The following CSMD3 variants were observed in gnomAD, a reference collection of about 807,000 sequenced individuals.
The protein encoded by CSMD3 is CUB and Sushi multiple domains 3.
CSMD3 carries 177 observed loss-of-function variants against 435.2 expected under a neutral mutation model. That is an observed-to-expected ratio of 0.41 (90% CI 0.36 to 0.46). The LOEUF is 0.46. CSMD3 is among the 20% of genes least tolerant of loss of function. The pLI, the probability that CSMD3 is intolerant of heterozygous loss-of-function variation, is 0.34. For synonymous variants in CSMD3, 1,656 were observed against 1,520.5 expected (o/e 1.09, Z -2.07); for missense variants, 4,265 against 4,504.6 (o/e 0.95, Z 1.52).
intron 5 of CSMD3, among the ~76,000 whole-genome samples, chr8:113,025,150 C>T (rs2086828709): frequency 6.6e-6 from 1 of 151,898 alleles, no homozygotes; most frequent in African/African-American, 2.4e-5. Flanking sequence ...CTTTTGTGTT[C>T]CTTTGGAAGG....
chr8:113,336,690 T>C (rs1381257937), intron 1 of CSMD3, among the ~76,000 whole-genome samples: 1 of 152,050 alleles, frequency 6.6e-6, no homozygotes, highest in African/African-American at 2.4e-5. Flanking sequence ...ATTGTTGTAA[T>C]TGGGTGCTGG....
At chr8:112,283,743 G>A (rs1303566334) in intron 58 of CSMD3, among the ~76,000 whole-genome samples, 1 of 151,424 alleles carries the variant, frequency 6.6e-6, no homozygotes, top group Non-Finnish European at 1.5e-5. Flanking sequence ...ATGATTTTTA[G>A]ATATAACATA....
chr8:112,685,780 T>G, intron 14 of CSMD3, 48 bp from the exon 15 acceptor site: 8 of 1,118,432 alleles, frequency 7.2e-6, no homozygotes, highest in African/African-American at 1.6e-5. Context: ...TCAAAAATAA[T>G]ATTTCATCTT....
At chr8:112,361,817 T>G (rs1317017074) in intron 38 of CSMD3, among the ~76,000 whole-genome samples, 1 of 151,472 alleles carries the variant, frequency 6.6e-6, no homozygotes, top group Non-Finnish European at 1.5e-5. Flanking sequence ...GGTTTTGCAT[T>G]TATGTGAGAA....
chr8:112,901,237 C>T (rs1022993058), intron 10 of CSMD3, among the ~76,000 whole-genome samples: 6 of 151,204 alleles, frequency 4.0e-5, no homozygotes, highest in Admixed American at 2.0e-4. Flanking sequence ...AATTGCAGGA[C>T]CATCTTATGA....
At chr8:112,267,508 A>G (rs1157880341) in intron 59 of CSMD3, among the ~76,000 whole-genome samples, 2 of 152,230 alleles carry the variant, frequency 1.3e-5, no homozygotes, top group East Asian at 3.9e-4. Flanking sequence ...AAAAATGAGT[A>G]TAAGCCTTCA....
intron 1 of CSMD3, among the ~76,000 whole-genome samples, chr8:113,363,973 T>C (rs987191962): frequency 2.6e-5 from 4 of 152,168 alleles, no homozygotes; most frequent in Admixed American, 6.5e-5. Flanking sequence ...TTTTCTCCTA[T>C]GTGTTCTAGA....
intron 53 of CSMD3, among the ~76,000 whole-genome samples, chr8:112,298,377 C>A (rs1357866655): frequency 6.6e-6 from 1 of 151,954 alleles, no homozygotes; most frequent in Admixed American, 6.6e-5. Flanking sequence ...AAAAAAGCTC[C>A]TCAATGCTAC....
At chr8:112,833,360 T>C (rs2079931215) in intron 11 of CSMD3, among the ~76,000 whole-genome samples, 1 of 151,988 alleles carries the variant, frequency 6.6e-6, no homozygotes, top group East Asian at 1.9e-4. Context: ...TTCTTGAAAA[T>C]GCTTTTTGTT....
intron 47 of CSMD3, 79 bp from the exon 48 acceptor site, chr8:112,314,696 C>T: frequency 1.0e-6 from 1 of 955,130 alleles, no homozygotes; most frequent in Non-Finnish European, 1.7e-6. Context: ...ACTGAGTATT[C>T]TGCTTTCATG....
intron 9 of CSMD3, 51 bp downstream of exon 9, chr8:112,947,738 TA>T (rs1485468042): frequency 1.1e-4 from 89 of 813,850 alleles, no homozygotes; most frequent in Admixed American, 1.9e-4. Flanking sequence ...AGATTTAAAT[TA>T]AAATAAACCT....
intron 1 of CSMD3, among the ~76,000 whole-genome samples, chr8:113,355,494 T>C (rs1181954400): frequency 6.6e-6 from 1 of 151,578 alleles, no homozygotes; most frequent in Non-Finnish European, 1.5e-5. Flanking sequence ...GAGAGAGAGA[T>C]CACCTCTTCT....
Position 112,224,925 on chromosome 8 carries a change from G to A in CSMD3, c.10970C>T (p.Ala3657Val), listed in dbSNP as rs1362285131. 6.2e-7 allele frequency: 1 copy of A among 1,613,724 alleles called. No homozygotes were observed. Among genetic ancestry groups the A allele is most frequent in the Non-Finnish European group, 8.5e-7 (1 of 1,179,812 alleles). The change falls in exon 71 of 71, where the codon GCA becomes GTA. Residue 3657 changes from alanine (A) to valine (V), a missense_variant. Around this residue, in one of 3 missense-constraint regions of CSMD3, gnomAD observed 3,255 missense variants for 3,380.2 expected, o/e 0.96. Coordinates refer to ENST00000297405, the MANE Select transcript of CSMD3 (RefSeq NM_198123.2). ...FGFYLYKQRTAPKTQYTGCSV... is the reference protein window; with the variant it reads ...FGFYLYKQRTVPKTQYTGCSV... ...ACATCCTGTATACTGTGTTTTAGGTGCAGTCCTGTTGATGAGAACATTGAT... is the reference window on the plus strand; with the variant it reads ...ACATCCTGTATACTGTGTTTTAGGTACAGTCCTGTTGATGAGAACATTGAT...
At chr8:112,709,169 C>T (rs1203029302) in intron 13 of CSMD3, among the ~76,000 whole-genome samples, 1 of 151,974 alleles carries the variant, frequency 6.6e-6, no homozygotes, top group Non-Finnish European at 1.5e-5. Context: ...CTGCAAAATA[C>T]GTTTCATAGT....
At chr8:112,865,400 C>T (rs2080949414) in intron 10 of CSMD3, among the ~76,000 whole-genome samples, 1 of 152,070 alleles carries the variant, frequency 6.6e-6, no homozygotes, top group Non-Finnish European at 1.5e-5. Flanking sequence ...TCACTCTCTC[C>T]TGGAATTTTC....
intron 3 of CSMD3, among the ~76,000 whole-genome samples, chr8:113,260,933 C>T (rs1170334247): frequency 6.6e-6 from 1 of 152,100 alleles, no homozygotes; most frequent in Non-Finnish European, 1.5e-5. Flanking sequence ...CATAGTATTC[C>T]ATGGTGTATA....
intron 13 of CSMD3, among the ~76,000 whole-genome samples, chr8:112,696,990 T>C (rs1476637748): frequency 6.6e-6 from 1 of 151,998 alleles, no homozygotes; most frequent in Admixed American, 6.6e-5. Flanking sequence ...TCATCATCAC[T>C]GGCCATCAGA....
chr8:112,866,549 G>A (rs2080989904), intron 10 of CSMD3, among the ~76,000 whole-genome samples: 1 of 152,116 alleles, frequency 6.6e-6, no homozygotes, highest in Non-Finnish European at 1.5e-5. Context: ...GAAGAATCAA[G>A]TTTGATTCAA....
At chr8:113,332,728 T>C (rs532716638) in intron 1 of CSMD3, among the ~76,000 whole-genome samples, 1 of 151,824 alleles carries the variant, frequency 6.6e-6, no homozygotes, top group African/African-American at 2.4e-5. Flanking sequence ...AAGCAGTACC[T>C]TGCAAAATCG....
Sources: gnomAD v4.1 joint callset for allele counts (sites outside exome capture counted in the v4.1 genomes callset) on GRCh38, gnomAD v4.1.1 for gene constraint, gnomAD v4.1.1 regional missense constraint, MANE v1.5 for transcripts, NCBI Gene and HGNC (gene_info 2026-07-23, HGNC 2026-07-21) for gene names.